Variants in CNTN4 observed in about 807,000 individuals in gnomAD.
CNTN4 encodes contactin-4.
Under a neutral mutation model 122.5 loss-of-function variants are expected in CNTN4, and 77 were observed. That is an observed-to-expected ratio of 0.63 (90% CI 0.52 to 0.76). The LOEUF (loss-of-function observed/expected upper bound fraction) is 0.76. Among genes scored for constraint, CNTN4 ranks in the 30% least tolerant of loss-of-function variants. The pLI is 0.00. For synonymous variants in CNTN4, 512 were observed against 447.0 expected, an observed-to-expected ratio of 1.15 and a Z score of -1.83; for missense variants, 1,256 against 1,259.1, an observed-to-expected ratio of 1.00 and a Z score of 0.04.
Position 2,628,770 on chromosome 3 carries a change from T to C in CNTN4, c.55+57212T>C, listed in dbSNP as rs561957640. Among the ~76,000 whole-genome samples the C allele has an allele frequency of 8.1e-4, 124 of 152,356 alleles. 1 individual carries two copies. Among genetic ancestry groups the C allele is most frequent in the African/African-American group, 2.9e-3 (120 of 41,586 alleles). ...TGCCATACTGAAAGAAATGTAGTCTTGTGATAATTCAGAACTGGACGTAAC... is the reference window on the plus strand; with the variant it reads ...TGCCATACTGAAAGAAATGTAGTCTCGTGATAATTCAGAACTGGACGTAAC... On this transcript the variant is annotated intron_variant, in intron 4 of 24. Coordinates refer to ENST00000418658, the MANE Select transcript of CNTN4 (RefSeq NM_175607.3).
chr3:2,125,894 GGTGTGTGTGT>G (rs61706367), intron 2 of CNTN4, among the ~76,000 whole-genome samples: 80 of 143,472 alleles, frequency 5.6e-4, no homozygotes, highest in Non-Finnish European at 8.2e-4. Flanking sequence ...TTTTATTTCT[GGTGTGTGTGT>G]GTGTGTGTGT....
Position 2,692,771 on chromosome 3 carries a change from A to G in CNTN4, c.56-43444A>G, listed in dbSNP as rs141354081. Among the ~76,000 whole-genome samples the G allele has an allele frequency of 8.8e-4, 134 of 152,272 alleles. 1 individual carries two copies. Among genetic ancestry groups the G allele is most frequent in the Middle Eastern group, 3.4e-3 (1 of 294 alleles). On this transcript the variant is annotated intron_variant, in intron 4 of 24. Coordinates refer to ENST00000418658, the MANE Select transcript of CNTN4 (RefSeq NM_175607.3). The stretch of plus-strand genomic sequence containing the variant: ...TGTAAAATTAAGATCTCTGTGTTTC[A>G]TTGTATAAAAATTTTAGCTCAAATG...
intron 23 of CNTN4, among the ~76,000 whole-genome samples, chr3:3,046,657 C>G (rs1219940088): frequency 6.6e-6 from 1 of 152,146 alleles, no homozygotes; most frequent in African/African-American, 2.4e-5. Context: ...ACAGCCAGTA[C>G]CAGCCTCTGC....
chr3:2,362,614 T>C (rs930763792), intron 3 of CNTN4: 1 of 485,126 alleles, frequency 2.1e-6, no homozygotes, highest in South Asian at 1.7e-5. Context: ...TGTAAGAAGA[T>C]AGCAAGGGCT....
intron 3 of CNTN4, among the ~76,000 whole-genome samples, chr3:2,493,675 T>A (rs1242216383): frequency 6.6e-6 from 1 of 152,102 alleles, no homozygotes; most frequent in Non-Finnish European, 1.5e-5. Flanking sequence ...ACACCAATTT[T>A]ATTTTGGGCA....
chr3:2,681,236 A>G (rs1300132491), intron 4 of CNTN4, among the ~76,000 whole-genome samples: 1 of 152,106 alleles, frequency 6.6e-6, no homozygotes, highest in East Asian at 1.9e-4. Flanking sequence ...ACCATGGGGC[A>G]GGATGCTACA....
intron 2 of CNTN4, among the ~76,000 whole-genome samples, chr3:2,298,088 G>A (rs2150048541): frequency 6.6e-6 from 1 of 152,274 alleles, no homozygotes; most frequent in Admixed American, 6.5e-5. Flanking sequence ...GGCACAAAGT[G>A]AACACTAGGT....
intron 3 of CNTN4, among the ~76,000 whole-genome samples, chr3:2,367,426 G>A (rs573231400): frequency 8.5e-5 from 13 of 152,260 alleles, no homozygotes; most frequent in South Asian, 2.1e-4. Flanking sequence ...TTGAAAATAC[G>A]AAAATCTTAA....
chr3:2,443,440 A>G (rs1315152360), intron 3 of CNTN4, among the ~76,000 whole-genome samples: 1 of 152,102 alleles, frequency 6.6e-6, no homozygotes, highest in Non-Finnish European at 1.5e-5. Flanking sequence ...CTTTTCTTTC[A>G]GTGCCTTTCT....
At chr3:2,486,302 G>A (rs895660414) in intron 3 of CNTN4, among the ~76,000 whole-genome samples, 2 of 152,068 alleles carry the variant, frequency 1.3e-5, no homozygotes, top group African/African-American at 4.8e-5. Context: ...CCACCGTAAG[G>A]GTCCGCGGCT....
chr3:2,804,065 GCACA>G (rs71058651), intron 6 of CNTN4, among the ~76,000 whole-genome samples: 18,462 of 144,086 alleles, frequency 0.13, 1,498 homozygotes, highest in East Asian at 0.34. Flanking sequence ...ATATATGTCT[GCACA>G]CACACACACA....
chr3:2,672,126 C>A (rs1359686594), intron 4 of CNTN4, among the ~76,000 whole-genome samples: 1 of 152,180 alleles, frequency 6.6e-6, no homozygotes, highest in Non-Finnish European at 1.5e-5. Context: ...GGAGAACCAC[C>A]ACTGTCTTCC....
chr3:2,913,410 G>T (rs1005768668), intron 12 of CNTN4, among the ~76,000 whole-genome samples: 7 of 152,148 alleles, frequency 4.6e-5, no homozygotes, highest in African/African-American at 1.7e-4. Flanking sequence ...TATGCTCTCT[G>T]TAAGAGACAC....
chr3:2,262,918 T>TGGA (rs1464520261), intron 2 of CNTN4, among the ~76,000 whole-genome samples: 2 of 152,122 alleles, frequency 1.3e-5, no homozygotes, highest in Non-Finnish European at 1.5e-5. Flanking sequence ...TGATTGCAGA[T>TGGA]GGAGCATAAG....
chr3:2,556,475 C>T (rs2149394184), intron 3 of CNTN4, among the ~76,000 whole-genome samples: 1 of 152,264 alleles, frequency 6.6e-6, no homozygotes, highest in Admixed American at 6.5e-5. Context: ...CTTATCCAGT[C>T]TGACACACTG....
intron 3 of CNTN4, among the ~76,000 whole-genome samples, chr3:2,532,207 T>G (rs2149240003): frequency 6.6e-6 from 1 of 152,298 alleles, no homozygotes; most frequent in African/African-American, 2.4e-5. Flanking sequence ...ATTTCTCTAT[T>G]TTGTGAGATA....
chr3:2,545,551 G>A (rs975947295), intron 3 of CNTN4, among the ~76,000 whole-genome samples: 3 of 150,940 alleles, frequency 2.0e-5, no homozygotes, highest in African/African-American at 4.9e-5. Flanking sequence ...CCTTGTCTTG[G>A]TTGCATATAT....
rs189917671 is a variant in CNTN4, at chr3:2,895,851, G to A, written c.941-4834G>A. On this transcript the variant is annotated intron_variant, in intron 10 of 24. Transcript: ENST00000418658. Reference sequence around the variant, plus strand: ...AGATCGAGACCATCCTGGCTAACAGGGTGAAACCCCGTCTCTACTAAAAAT... The same window carrying A: ...AGATCGAGACCATCCTGGCTAACAGAGTGAAACCCCGTCTCTACTAAAAAT... Among the ~76,000 whole-genome samples the A allele has an allele frequency of 3.6e-3, 553 of 152,214 alleles. 3 individuals carry two copies. The highest frequency in any genetic ancestry group is 0.01 in the African/African-American group (435 of 41,534).
intron 6 of CNTN4, among the ~76,000 whole-genome samples, chr3:2,763,026 C>T (rs1246507286): frequency 6.6e-6 from 1 of 151,160 alleles, no homozygotes; most frequent in Non-Finnish European, 1.5e-5. Context: ...TCCACAAGCT[C>T]CGCCTCCCGG....
Sources: allele counts gnomAD v4.1 joint callset (sites outside exome capture counted in the v4.1 genomes callset), GRCh38; gene constraint gnomAD v4.1.1; transcripts MANE v1.5; gene names NCBI Gene and HGNC (gene_info 2026-07-23, HGNC 2026-07-21).